The following PPFIA2 variants were observed in gnomAD, a reference collection of about 807,000 sequenced individuals.
PPFIA2 encodes the protein liprin-alpha-2.
PPFIA2 carries 46 observed loss-of-function variants against 175.5 expected under a neutral mutation model. The observed-to-expected ratio is 0.26, with a 90% CI of 0.21 to 0.34. The LOEUF is 0.34. PPFIA2 is among the 10% of genes least tolerant of loss of function. The pLI is 1.00. For missense variants in PPFIA2, 1,179 were observed against 1,506.1 expected (o/e 0.78, Z 3.60); for synonymous variants, 568 against 511.4 (o/e 1.11, Z -1.49).
chr12:81,393,218 G>T (rs891958141), intron 8 of PPFIA2, among the ~76,000 whole-genome samples: 2 of 152,042 alleles, frequency 1.3e-5, no homozygotes, highest in African/African-American at 4.8e-5. Flanking sequence ...GATTGATAGA[G>T]AAAAACATTC....
At chr12:81,381,122 T>C (rs915256775) in intron 9 of PPFIA2, among the ~76,000 whole-genome samples, 5 of 152,090 alleles carry the variant, frequency 3.3e-5, no homozygotes, top group African/African-American at 4.8e-5. Context: ...ACTTTTCCAT[T>C]GCCAGCCTGG....
chr12:81,364,110 G>A (rs2032177963), intron 14 of PPFIA2, among the ~76,000 whole-genome samples: 3 of 151,738 alleles, frequency 2.0e-5, no homozygotes, highest in Admixed American at 2.0e-4. Flanking sequence ...CTAAATAAAG[G>A]AGAAATTAAA....
chr12:81,640,864 TAC>T (rs1235930274), intron 4 of PPFIA2, among the ~76,000 whole-genome samples: 1 of 152,116 alleles, frequency 6.6e-6, no homozygotes, highest in African/African-American at 2.4e-5. Flanking sequence ...AACCATCATT[TAC>T]AGTTTTTTTT....
chr12:81,555,083 G>T (rs2068615799), intron 4 of PPFIA2, among the ~76,000 whole-genome samples: 1 of 151,902 alleles, frequency 6.6e-6, no homozygotes, highest in Non-Finnish European at 1.5e-5. Context: ...CAGTTTTGTG[G>T]TCACACGAAT....
chr12:81,724,827 T>C (rs2079840025), intron 3 of PPFIA2, among the ~76,000 whole-genome samples: 1 of 151,024 alleles, frequency 6.6e-6, no homozygotes, highest in Non-Finnish European at 1.5e-5. Flanking sequence ...TGATTTCTGT[T>C]CCTTTGGGTA....
At chr12:81,631,473 G>C (rs545334008) in intron 4 of PPFIA2, among the ~76,000 whole-genome samples, 1 of 152,112 alleles carries the variant, frequency 6.6e-6, no homozygotes, top group Admixed American at 6.6e-5. Context: ...CCCAAGATCC[G>C]ATGATATACT....
At chr12:81,417,091 A>G (rs1345052051) in intron 7 of PPFIA2, among the ~76,000 whole-genome samples, 1 of 151,810 alleles carries the variant, frequency 6.6e-6, no homozygotes, top group Non-Finnish European at 1.5e-5. Context: ...AAAAAGATAA[A>G]TCTGCCCTAT....
At chr12:81,305,556 T>C (rs1304340319) in intron 22 of PPFIA2, among the ~76,000 whole-genome samples, 2 of 152,200 alleles carry the variant, frequency 1.3e-5, no homozygotes, top group Non-Finnish European at 2.9e-5. Context: ...CTTTGCACTT[T>C]ACCTCTTCTG....
intron 7 of PPFIA2, among the ~76,000 whole-genome samples, chr12:81,419,433 T>G (rs2045881294): frequency 6.6e-6 from 1 of 152,158 alleles, no homozygotes; most frequent in Non-Finnish European, 1.5e-5. Flanking sequence ...AAATATTTAT[T>G]GAATGAATGT....
intron 3 of PPFIA2, among the ~76,000 whole-genome samples, chr12:81,744,188 T>C (rs548799637): frequency 6.6e-6 from 1 of 152,268 alleles, no homozygotes; most frequent in South Asian, 2.1e-4. Context: ...TAAATACCCT[T>C]TCATGTAACC....
chr12:81,333,280 G>T (rs1335932527), intron 21 of PPFIA2, among the ~76,000 whole-genome samples: 2 of 152,048 alleles, frequency 1.3e-5, no homozygotes, highest in African/African-American at 4.8e-5. Flanking sequence ...TTCTAGTTTC[G>T]TATCCTTACT....
At position 81,694,687 on chromosome 12, in the gene PPFIA2, A is replaced by C. The variant is rs903862000; in HGVS notation, c.250-17843T>G. Among the ~76,000 whole-genome samples the C allele has an allele frequency of 3.3e-5, 5 of 152,174 alleles. No individual in the cohort carries two copies. In the East Asian group the frequency reaches 7.7e-4, roughly 24 times the overall value. ...CCCCACACAGGTTCCCCATGAGGGC[A>C]CTGCATAGTGAAGCTATGAGAGAGA... On this transcript the variant is annotated intron_variant, in intron 3 of 32. Coordinates refer to ENST00000549396, the MANE Select transcript of PPFIA2 (RefSeq NM_003625.5).
At chr12:81,565,580 A>G (rs938451244) in intron 4 of PPFIA2, among the ~76,000 whole-genome samples, 8 of 152,156 alleles carry the variant, frequency 5.3e-5, no homozygotes, top group African/African-American at 1.4e-4. Context: ...CTCCTTTCTG[A>G]AAGTATTTAC....
At chr12:81,564,408 T>C (rs558712196) in intron 4 of PPFIA2, among the ~76,000 whole-genome samples, 1 of 152,326 alleles carries the variant, frequency 6.6e-6, no homozygotes, top group South Asian at 2.1e-4. Context: ...GAGCCTGCTC[T>C]ACTGCTAGTG....
At chr12:81,731,769 T>C (rs1253223246) in intron 3 of PPFIA2, among the ~76,000 whole-genome samples, 1 of 151,602 alleles carries the variant, frequency 6.6e-6, no homozygotes, top group African/African-American at 2.4e-5. Context: ...TCAGTTTCCT[T>C]ATCTGTAAAA....
chr12:81,565,295 C>A (rs908099977), intron 4 of PPFIA2, among the ~76,000 whole-genome samples: 1 of 152,164 alleles, frequency 6.6e-6, no homozygotes, highest in Non-Finnish European at 1.5e-5. Context: ...CTGTTTGCTT[C>A]TAGACCTATA....
intron 7 of PPFIA2, among the ~76,000 whole-genome samples, chr12:81,423,268 C>T (rs745975583): frequency 6.6e-6 from 1 of 152,032 alleles, no homozygotes. Context: ...GGTCAGGATC[C>T]CCTAATTCCA....
chr12:81,698,728 G>T (rs1392540468), intron 3 of PPFIA2, among the ~76,000 whole-genome samples: 1 of 151,704 alleles, frequency 6.6e-6, no homozygotes, highest in African/African-American at 2.4e-5. Context: ...GCACAGTTTA[G>T]AAGTGTTACT....
chr12:81,450,318 T>C lies in PPFIA2; in HGVS notation c.406-4598A>G, dbSNP rs146260243. On this transcript the variant is annotated intron_variant, in intron 5 of 32. Coordinates refer to ENST00000549396, the MANE Select transcript of PPFIA2 (RefSeq NM_003625.5). The stretch of plus-strand genomic sequence containing the variant: ...CAGCACCTGTTGTTTCCTCACTTTG[T>C]AATGATTGCCATTCTAACTGGTGTG... Among the ~76,000 whole-genome samples, 348 of 152,330 alleles carry C rather than the reference T, an allele frequency of 2.3e-3. 5 individuals carry two copies. In the East Asian group the frequency reaches 0.028, roughly 12 times the overall value.
Sources: gnomAD v4.1 joint callset for allele counts (sites outside exome capture counted in the v4.1 genomes callset) on GRCh38, gnomAD v4.1.1 for gene constraint, MANE v1.5 for transcripts, NCBI Gene and HGNC (gene_info 2026-07-23, HGNC 2026-07-21) for gene names.